Variants in CSMD3 observed in about 807,000 individuals in gnomAD.
CSMD3 encodes the protein CUB and Sushi multiple domains 3.
In CSMD3, 177 loss-of-function variants were observed where a neutral mutation model predicts 435.2. That is an observed-to-expected ratio of 0.41 (90% CI 0.36 to 0.46). CSMD3 has a LOEUF of 0.46. Ranked by LOEUF, CSMD3 falls within the 20% of genes least tolerant of loss-of-function variation. The pLI is 0.34. For missense variants in CSMD3, 4,265 were observed against 4,504.6 expected, an observed-to-expected ratio of 0.95 and a Z score of 1.52; for synonymous variants, 1,656 against 1,520.5, an observed-to-expected ratio of 1.09 and a Z score of -2.07.
At chr8:112,790,429 C>T (rs1179780706) in intron 13 of CSMD3, among the ~76,000 whole-genome samples, 1 of 150,960 alleles carries the variant, frequency 6.6e-6, no homozygotes, top group Admixed American at 6.6e-5. Context: ...AAAAAAAAAT[C>T]AGTTCCTCAC....
At chr8:112,939,792 G>A (rs1007593333) in intron 9 of CSMD3, among the ~76,000 whole-genome samples, 3 of 151,874 alleles carry the variant, frequency 2.0e-5, no homozygotes, top group Non-Finnish European at 4.4e-5. Context: ...TTTATTTTTA[G>A]GAAGTGAGAA....
chr8:113,068,535 G>A (rs901031718), intron 5 of CSMD3, among the ~76,000 whole-genome samples: 1 of 151,982 alleles, frequency 6.6e-6, no homozygotes, highest in Non-Finnish European at 1.5e-5. Context: ...CTAGCCCTTA[G>A]GACTGTGCCA....
intron 1 of CSMD3, among the ~76,000 whole-genome samples, chr8:113,334,099 A>G (rs1399217808): frequency 6.6e-6 from 1 of 151,368 alleles, no homozygotes; most frequent in Non-Finnish European, 1.5e-5. Context: ...TTTTTAACTG[A>G]TATTTGCTTT....
At chr8:113,432,165 C>A (rs2094677966) in intron 1 of CSMD3, among the ~76,000 whole-genome samples, 1 of 152,146 alleles carries the variant, frequency 6.6e-6, no homozygotes, top group Non-Finnish European at 1.5e-5. Flanking sequence ...CCAGATGATT[C>A]CGGAAAGTAC....
intron 68 of CSMD3, 128 bp downstream of exon 68, chr8:112,234,237 T>C: frequency 1.7e-6 from 1 of 578,714 alleles, no homozygotes; most frequent in Non-Finnish European, 3.0e-6. Context: ...ACTAAATATT[T>C]ATATTTACTA....
intron 13 of CSMD3, among the ~76,000 whole-genome samples, chr8:112,754,044 T>G (rs560836761): frequency 6.6e-6 from 1 of 152,302 alleles, no homozygotes; most frequent in East Asian, 1.9e-4. Context: ...AAGGTGCACA[T>G]GCAGAAAGCA....
At chr8:112,295,522 C>A (rs930156049) in intron 54 of CSMD3, among the ~76,000 whole-genome samples, 7 of 151,728 alleles carry the variant, frequency 4.6e-5, no homozygotes, top group Non-Finnish European at 1.0e-4. Flanking sequence ...GAAATTTAAA[C>A]CCTTATAATT....
chr8:112,535,403 A>C (rs1825972766), intron 27 of CSMD3, among the ~76,000 whole-genome samples: 1 of 151,932 alleles, frequency 6.6e-6, no homozygotes, highest in African/African-American at 2.4e-5. Flanking sequence ...CCAAATCATG[A>C]GTGAACTCCC....
At position 112,556,753 on chromosome 8, in the gene CSMD3, A is replaced by T. The variant is rs1403756507; in HGVS notation, c.4234+10T>A. On this transcript the variant is annotated intron_variant, in intron 25 of 70. Coordinates refer to ENST00000297405, the MANE Select transcript of CSMD3 (RefSeq NM_198123.2). Reference sequence around the variant, plus strand: ...GAAATATTCAATGAAAATCTATGACAGTATCCTACCAATACAGGAAGGCAG... The same window carrying T: ...GAAATATTCAATGAAAATCTATGACTGTATCCTACCAATACAGGAAGGCAG... 6.3e-7 allele frequency: 1 copy of T among 1,590,882 alleles called. No homozygotes were observed. Among genetic ancestry groups the T allele is most frequent in the Admixed American group, 1.7e-5 (1 of 59,726 alleles).
chr8:112,736,604 C>CTT (rs1489351608), intron 13 of CSMD3, among the ~76,000 whole-genome samples: 1 of 151,972 alleles, frequency 6.6e-6, no homozygotes, highest in Non-Finnish European at 1.5e-5. Flanking sequence ...TGAAGAAGTC[C>CTT]TTTTTAATGT....
rs1820217713 is a variant in CSMD3, at chr8:112,295,944, A to AT, written c.8502dup (p.Tyr2835IlefsTer2). 1 of 1,613,462 alleles carries AT rather than the reference A, an allele frequency of 6.2e-7. No homozygotes were observed. The highest frequency in any genetic ancestry group is 8.5e-7 in the Non-Finnish European group (1 of 1,179,630). ...CATTGATATACAACTGTGTCTCTAT[A>AT]TCCATAATTTTCTCCAATGACTTGA... On this transcript the variant is annotated frameshift_variant, in exon 54 of 71. Coordinates refer to ENST00000297405, the MANE Select transcript of CSMD3 (RefSeq NM_198123.2). LOFTEE classifies it high-confidence loss of function.
intron 1 of CSMD3, among the ~76,000 whole-genome samples, chr8:113,349,421 T>A (rs937298508): frequency 4.6e-5 from 7 of 152,116 alleles, no homozygotes; most frequent in Non-Finnish European, 8.8e-5. Flanking sequence ...AGATGCTTAA[T>A]GCATTTATAC....
chr8:113,197,831 T>G (rs2092675827), intron 3 of CSMD3, among the ~76,000 whole-genome samples: 1 of 151,290 alleles, frequency 6.6e-6, no homozygotes, highest in Admixed American at 6.6e-5. Context: ...CAACAATGTC[T>G]TTAATTATCT....
intron 14 of CSMD3, among the ~76,000 whole-genome samples, chr8:112,686,486 ATT>A (rs763068444): frequency 9.2e-5 from 13 of 141,532 alleles, no homozygotes; most frequent in African/African-American, 2.6e-4. Context: ...TTTTCATTAC[ATT>A]TTTTTTTTTT....
At chr8:113,242,220 T>C (rs1198999847) in intron 3 of CSMD3, among the ~76,000 whole-genome samples, 2 of 151,924 alleles carry the variant, frequency 1.3e-5, no homozygotes, top group African/African-American at 4.8e-5. Flanking sequence ...AGAGCTAGTC[T>C]TGATTCTTAG....
At chr8:113,258,571 C>T (rs1427406021) in intron 3 of CSMD3, among the ~76,000 whole-genome samples, 1 of 152,136 alleles carries the variant, frequency 6.6e-6, no homozygotes, top group African/African-American at 2.4e-5. Flanking sequence ...TCTTTCTTCC[C>T]TTCATCTTCT....
intron 27 of CSMD3, among the ~76,000 whole-genome samples, chr8:112,518,983 T>A (rs1471883285): frequency 6.6e-6 from 1 of 152,038 alleles, no homozygotes. Flanking sequence ...ACACTCTCTA[T>A]CAAGAGAAGA....
At chr8:112,535,232 T>C (rs1328063540) in intron 27 of CSMD3, among the ~76,000 whole-genome samples, 1 of 151,838 alleles carries the variant, frequency 6.6e-6, no homozygotes, top group Non-Finnish European at 1.5e-5. Flanking sequence ...AGTCAAATTG[T>C]CCCTGTTTGC....
At chr8:113,319,610 A>C (rs945550496) in intron 1 of CSMD3, among the ~76,000 whole-genome samples, 14 of 151,678 alleles carry the variant, frequency 9.2e-5, no homozygotes, top group Admixed American at 2.0e-4. Context: ...AGCTTTTTGG[A>C]GTGGTATCAA....
Sources: gnomAD v4.1 joint callset for allele counts (sites outside exome capture counted in the v4.1 genomes callset) on GRCh38, gnomAD v4.1.1 for gene constraint, MANE v1.5 for transcripts, NCBI Gene and HGNC (gene_info 2026-07-23, HGNC 2026-07-21) for gene names.